DAPK1: variants seen among roughly 807,000 people sequenced by gnomAD.
DAPK1 encodes the protein death associated protein kinase 1, also known as death-associated protein kinase 1.
In DAPK1, 56 loss-of-function variants were observed where a neutral mutation model predicts 144.9. That is an observed-to-expected ratio of 0.39 (90% CI 0.31 to 0.48). DAPK1 has a LOEUF of 0.48. Ranked by LOEUF, DAPK1 falls within the 20% of genes least tolerant of loss-of-function variation. The pLI, the probability that DAPK1 is intolerant of heterozygous loss-of-function variation, is 0.95. For synonymous variants in DAPK1, 690 were observed against 749.0 expected (o/e 0.92, Z 1.29); for missense variants, 1,454 against 1,875.4 (o/e 0.78, Z 4.15).
chr9:87,585,487 G>A (rs1398131280), intron 2 of DAPK1, among the ~76,000 whole-genome samples: 1 of 152,216 alleles, frequency 6.6e-6, no homozygotes, highest in African/African-American at 2.4e-5. Context: ...CAAATTACGA[G>A]CTGGAAATGT....
In DAPK1 at chr9:87,686,808, A is replaced by G. The variant is rs1824882225; in HGVS notation, c.2413+69A>G. The G allele has an allele frequency of 7.1e-7, 1 of 1,407,560 alleles. No individual in the cohort carries two copies. Among genetic ancestry groups the G allele is most frequent in the South Asian group, 1.3e-5 (1 of 78,572 alleles). The allele number at this position is 1,407,560 out of a possible 1,614,324, so 87.2% of individuals were successfully genotyped here. ...CAACAGGGTTGTAAGTCATCCCTAA[A>G]GGGAGCTTGTCCTGAGCTGTATCTG... is the stretch of plus-strand genomic sequence containing the variant. On this transcript the variant is annotated intron_variant, in intron 21 of 25. Coordinates refer to ENST00000408954, the MANE Select transcript of DAPK1 (RefSeq NM_004938.4). This position sits in a 1 kb window ranked among gnomAD's most constrained non-coding sequence, Gnocchi z 4.2.
chr9:87,651,056 A>G (rs1004781028), intron 16 of DAPK1, among the ~76,000 whole-genome samples: 1 of 152,220 alleles, frequency 6.6e-6, no homozygotes, highest in African/African-American at 2.4e-5. Flanking sequence ...GAGGTTACAC[A>G]TGTTAAATCT....
chr9:87,497,704 C>A, upstream of DAPK1: 1 of 227,412 alleles, frequency 4.4e-6, no homozygotes, highest in Middle Eastern at 1.3e-3. Context: ...GAGCCCGGAG[C>A]GCGGAGCTGG....
intron 2 of DAPK1, among the ~76,000 whole-genome samples, chr9:87,557,007 C>T (rs890482932): frequency 6.6e-6 from 1 of 152,096 alleles, no homozygotes. Flanking sequence ...CGGCTTTCCC[C>T]TTGGCCTCTA....
chr9:87,687,781 T>C (rs1329783165), intron 21 of DAPK1, among the ~76,000 whole-genome samples: 1 of 150,370 alleles, frequency 6.7e-6, no homozygotes, highest in East Asian at 2.0e-4. Flanking sequence ...AATTCTCTTT[T>C]CTCTGCATCA....
chr9:87,647,470 G>A, intron 14 of DAPK1, 67 bp downstream of exon 14: 1 of 1,343,616 alleles, frequency 7.4e-7, no homozygotes, highest in Non-Finnish European at 1.1e-6. Context: ...TGTGAGTGCT[G>A]GCCTACCGTG....
intron 3 of DAPK1, among the ~76,000 whole-genome samples, chr9:87,636,232 C>T (rs1237204836): frequency 2.0e-5 from 3 of 152,122 alleles, no homozygotes; most frequent in African/African-American, 7.2e-5. Flanking sequence ...ACACCTTTCG[C>T]TTGGACTCCT....
intron 2 of DAPK1, among the ~76,000 whole-genome samples, chr9:87,542,251 C>T (rs965074666): frequency 4.6e-5 from 7 of 152,188 alleles, no homozygotes; most frequent in Non-Finnish European, 7.3e-5. Context: ...GGTAACATTT[C>T]CTGAGTACTG....
chr9:87,629,869 A>T (rs1829609927), intron 3 of DAPK1, among the ~76,000 whole-genome samples: 1 of 152,080 alleles, frequency 6.6e-6, no homozygotes, highest in African/African-American at 2.4e-5. Flanking sequence ...GGCCCTTTTG[A>T]TGCTGTGTGA....
At chr9:87,693,390 T>C (rs1008276532) in intron 21 of DAPK1, among the ~76,000 whole-genome samples, 6 of 152,138 alleles carry the variant, frequency 3.9e-5, no homozygotes, top group South Asian at 2.1e-4. Flanking sequence ...ATTTTCTGTT[T>C]TATTCAAGAA....
chr9:87,618,002 G>T (rs974330829), intron 3 of DAPK1, among the ~76,000 whole-genome samples: 2 of 152,198 alleles, frequency 1.3e-5, no homozygotes, highest in Non-Finnish European at 2.9e-5. Flanking sequence ...CACAGAAAGA[G>T]CTTCTGAGTC....
Position 87,651,524 on chromosome 9 carries a change from C to T in DAPK1, c.1627-3C>T, listed in dbSNP as rs1373312318. 6 of 1,614,024 alleles carry T rather than the reference C, an allele frequency of 3.7e-6. No homozygotes were observed. The highest frequency in any genetic ancestry group is 2.2e-5 in the East Asian group (1 of 44,882). On this transcript the variant is annotated splice_polypyrimidine_tract_variant and splice_region_variant and intron_variant, in intron 16 of 25. Coordinates refer to ENST00000408954, the MANE Select transcript of DAPK1 (RefSeq NM_004938.4). ...TCTCATGATCTCTGGGGTTTGTTTC[C>T]AGGACGGACACATTGCCCTTCATCT...
In DAPK1 at chr9:87,526,732, A is replaced by C. The variant is rs1825525443; in HGVS notation, c.62+27593A>C. On this transcript the variant is annotated intron_variant, in intron 2 of 25. Transcript: ENST00000408954. ...ATAATTGTGTACTGAGTGGTCCTTT[A>C]TGGTGATGAGATGGTAGTGGTGGTG... 2.0e-5 allele frequency among the ~76,000 whole-genome samples: 3 copies of C among 152,244 alleles called. 1 individual carries two copies. In the South Asian group the frequency reaches 6.2e-4, roughly 32 times the overall value.
chr9:87,592,945 T>C (rs2118894675), intron 2 of DAPK1, among the ~76,000 whole-genome samples: 1 of 152,288 alleles, frequency 6.6e-6, no homozygotes, highest in African/African-American at 2.4e-5. Flanking sequence ...AGTCCCCACT[T>C]GGTTCAGAGC....
Position 87,686,927 on chromosome 9 carries a change from C to T in DAPK1, c.2413+188C>T. The stretch of plus-strand genomic sequence containing the variant: ...ACCATCCCTAAACAGTGAAATTAAA[C>T]ACTGGGGTATTGTCAGCGCCTAGTA... On this transcript the variant is annotated intron_variant, in intron 21 of 25. Coordinates refer to ENST00000408954, the MANE Select transcript of DAPK1 (RefSeq NM_004938.4). The surrounding 1 kb of genome is among the most constrained non-coding windows in gnomAD (Gnocchi z 4.2). The T allele has an allele frequency of 1.1e-6, 1 of 894,148 alleles. No homozygotes were observed. Among genetic ancestry groups the T allele is most frequent in the Non-Finnish European group, 1.3e-6 (1 of 746,718 alleles). The allele number at this position is 894,148 out of a possible 1,614,324, so 55.4% of individuals were successfully genotyped here. A position where few individuals can be genotyped will look rare whatever the true frequency, so the allele number is the denominator to read the frequency against.
At chr9:87,646,115 A>G in intron 12 of DAPK1, 101 bp downstream of exon 12, 1 of 1,389,952 alleles carries the variant, frequency 7.2e-7, no homozygotes, top group African/African-American at 1.4e-5. Flanking sequence ...TCTCCCTTCC[A>G]ATTGGAAGCT....
At position 87,681,605 on chromosome 9, in the gene DAPK1, C is replaced by G; in HGVS notation, c.2203C>G (p.Pro735Ala). The change falls in exon 20 of 26, where the codon CCC becomes GCC. Residue 735 changes from proline (P) to alanine (A), a missense_variant. Physicochemically the swap from Pro to Ala is conservative, Grantham distance 27. This residue lies in a region of DAPK1 where 1,025 missense variants were observed against 1,237.9 expected (regional missense o/e 0.83). Transcript: ENST00000408954. ...CAACTCCAGCAGGTTCCCACCTTCA[C>G]CCCTGGCTTCTAAGCCCACAGGTAG... is the stretch of plus-strand genomic sequence containing the variant. ...STNSSRFPPS[P>A]LASKPTVSVS... The G allele has an allele frequency of 6.3e-7, 1 of 1,598,662 alleles. No homozygotes were observed. Among genetic ancestry groups the G allele is most frequent in the Non-Finnish European group, 8.6e-7 (1 of 1,165,812 alleles).
chr9:87,524,398 G>A (rs115345408), intron 2 of DAPK1, among the ~76,000 whole-genome samples: 3,561 of 152,252 alleles, frequency 0.023, 108 homozygotes, highest in African/African-American at 0.078. Flanking sequence ...AGGCTGCAGC[G>A]GACATAGAGA....
Position 87,661,993 on chromosome 9 carries a change from T to G in DAPK1, c.1923+3866T>G, listed in dbSNP as rs79398901. Among the ~76,000 whole-genome samples the G allele has an allele frequency of 7.1e-3, 1,078 of 152,324 alleles. 28 individuals are homozygous for G. The East Asian group carries it at 0.072, about 10-fold the overall frequency. ...AGTCTTTAATCTATCTTGAGTTGAC[T>G]TCTGCAAATGGTGAGAGAGAAGGAT... On this transcript the variant is annotated intron_variant, in intron 18 of 25. Transcript: ENST00000408954.
Sources: gnomAD v4.1 joint callset for allele counts (sites outside exome capture counted in the v4.1 genomes callset) on GRCh38, gnomAD v4.1.1 for gene constraint, gnomAD v4.1.1 regional missense constraint, Gnocchi (gnomAD v3.1) non-coding constraint, MANE v1.5 for transcripts, NCBI Gene and HGNC (gene_info 2026-07-23, HGNC 2026-07-21) for gene names.